PRRX2: variants seen among roughly 807,000 people sequenced by gnomAD.
The protein encoded by PRRX2 is paired mesoderm homeobox protein 2.
A neutral mutation model predicts 18.0 loss-of-function variants in PRRX2; 11 were observed. The observed-to-expected ratio is 0.61, with a 90% CI of 0.39 to 1.01. The LOEUF is 1.01. PRRX2 is among the 50% of genes least tolerant of loss of function. The probability of loss-of-function intolerance (pLI) is 0.01; values close to 1 mark genes in which losing one functional copy is unlikely to be tolerated. For synonymous variants in PRRX2, 177 were observed against 154.8 expected (o/e 1.14, Z -1.06); for missense variants, 387 against 351.0 (o/e 1.10, Z -0.82).
At chr9:129,707,790 CAAAAA>C (rs34188002) in intron 1 of PRRX2, among the ~76,000 whole-genome samples, 2 of 118,834 alleles carry the variant, frequency 1.7e-5, no homozygotes, top group East Asian at 4.8e-4. Flanking sequence ...GACTGTGTCT[CAAAAA>C]AAAAAAAAAA....
rs1832802204 is a variant in PRRX2 at position 129,722,227 on chromosome 9, C to G, written c.637C>G (p.Pro213Ala). ...TASSPYSTVP[P>A]YSPGSSGPAT... ...TCATGTCGCCCCCAGCACAGTGCCACCCTACAGCCCTGGGAGCTCAGGCCC... is the reference window on the plus strand; with the variant it reads ...TCATGTCGCCCCCAGCACAGTGCCAGCCTACAGCCCTGGGAGCTCAGGCCC... The change falls in exon 4 of 4, where the codon CCC becomes GCC. Residue 213 changes from proline to alanine, a missense_variant. Transcript: ENST00000372469. The G allele has an allele frequency of 2.5e-6, 4 of 1,613,606 alleles. No homozygotes were observed. The South Asian group carries it at 4.4e-5, about 18-fold the overall frequency.
At chr9:129,720,120 C>T (rs183786770) in intron 2 of PRRX2, among the ~76,000 whole-genome samples, 1 of 152,218 alleles carries the variant, frequency 6.6e-6, no homozygotes, top group Non-Finnish European at 1.5e-5. Flanking sequence ...AGCACTGAGC[C>T]GAGTGCTCAG....
rs1202924724 is a variant in PRRX2, at chr9:129,715,501, G to GAATTGCTTGAGCCCAGGAGGTCGAGGCT, written c.260-3729_260-3702dup. Among the ~76,000 whole-genome samples the GAATTGCTTGAGCCCAGGAGGTCGAGGCT allele has an allele frequency of 1.6e-4, 24 of 152,106 alleles. No individual in the cohort carries two copies. The highest frequency in any genetic ancestry group is 1.3e-3 in the Admixed American group (20 of 15,260). On this transcript the variant is annotated intron_variant, in intron 1 of 3. Coordinates refer to ENST00000372469, the MANE Select transcript of PRRX2 (RefSeq NM_016307.4). This position sits in a 1 kb window ranked among gnomAD's most constrained non-coding sequence, Gnocchi z 4.0. ...AGCTACTTGGGAGGCTGAGGTGGGGGAATTGCTTGAGCCCAGGAGGTCGAG... is the reference window on the plus strand; with the variant it reads ...AGCTACTTGGGAGGCTGAGGTGGGGGAATTGCTTGAGCCCAGGAGGTCGAGGCTAATTGCTTGAGCCCAGGAGGTCGAG...
At chr9:129,674,777 A>G (rs1316761689) in intron 1 of PRRX2, among the ~76,000 whole-genome samples, 1 of 152,100 alleles carries the variant, frequency 6.6e-6, no homozygotes, top group African/African-American at 2.4e-5. Context: ...AGCTTGAGAC[A>G]CACCCTGTGG....
intron 1 of PRRX2, among the ~76,000 whole-genome samples, chr9:129,691,302 A>C (rs1420281308): frequency 1.3e-5 from 2 of 151,840 alleles, no homozygotes; most frequent in Non-Finnish European, 2.9e-5. Flanking sequence ...GCACCATTGC[A>C]CCCAGCCTGC....
intron 2 of PRRX2, among the ~76,000 whole-genome samples, chr9:129,720,155 C>T (rs1832770172): frequency 6.6e-6 from 1 of 152,004 alleles, no homozygotes; most frequent in Admixed American, 6.5e-5. Flanking sequence ...CGCGAGTCCT[C>T]AGCAAGCGCC....
intron 1 of PRRX2, chr9:129,713,013 C>T (rs534244527): frequency 6.6e-6 from 1 of 152,448 alleles, no homozygotes; most frequent in South Asian, 2.1e-4. Context: ...GATTCAGGAA[C>T]TTAGGGCAAC....
intron 1 of PRRX2, among the ~76,000 whole-genome samples, chr9:129,706,343 G>C (rs1311052899): frequency 6.6e-6 from 1 of 151,960 alleles, no homozygotes; most frequent in Non-Finnish European, 1.5e-5. Flanking sequence ...CACTTTGGGA[G>C]ACCGAGGGGG....
intron 3 of PRRX2, 149 bp from the exon 4 acceptor site, chr9:129,722,068 C>G (rs1832799539): frequency 3.4e-6 from 4 of 1,178,620 alleles, no homozygotes; most frequent in Non-Finnish European, 4.7e-6. Context: ...TGCCCAAACC[C>G]TACAGCTCCA....
At chr9:129,688,235 G>A (rs924815568) in intron 1 of PRRX2, among the ~76,000 whole-genome samples, 2 of 151,414 alleles carry the variant, frequency 1.3e-5, no homozygotes, top group Non-Finnish European at 2.9e-5. Context: ...GCTAATTTTT[G>A]TCTTTTTTGT....
In PRRX2 at chr9:129,665,798, C is replaced by T. The variant is rs1832010932; in HGVS notation, c.-70C>T. 3.0e-5 allele frequency: 30 copies of T among 996,630 alleles called. No individual in the cohort carries two copies. The highest frequency in any genetic ancestry group is 4.7e-5 in the South Asian group (1 of 21,310). The allele number at this position is 996,630 out of a possible 1,614,324, so 61.7% of individuals were successfully genotyped here. A position where few individuals can be genotyped will look rare whatever the true frequency, so the allele number is the denominator to read the frequency against. On this transcript the variant is annotated 5_prime_UTR_variant, in exon 1 of 4. Coordinates refer to ENST00000372469, the MANE Select transcript of PRRX2 (RefSeq NM_016307.4). This position sits in a 1 kb window ranked among gnomAD's most constrained non-coding sequence, Gnocchi z 5.3. ...GGGCGGCCGGGGCTCTCGCTCCGAC[C>T]CGCGCCCGCGACCCTTCCTGGGACC...
chr9:129,720,345 G>A (rs1832773552), intron 2 of PRRX2, among the ~76,000 whole-genome samples: 1 of 152,152 alleles, frequency 6.6e-6, no homozygotes, highest in African/African-American at 2.4e-5. Context: ...CAGTGGCCGA[G>A]TGCCTCTCCA....
intron 1 of PRRX2, among the ~76,000 whole-genome samples, chr9:129,682,938 T>A (rs1031445638): frequency 6.7e-6 from 1 of 148,900 alleles, no homozygotes; most frequent in Admixed American, 6.7e-5. Context: ...ACCCCCCCCA[T>A]CTCTACTAAA....
At position 129,697,981 on chromosome 9, in the gene PRRX2, GA is replaced by G. The variant is rs144046660; in HGVS notation, c.260-21249del. Among the ~76,000 whole-genome samples, 1,481 of 152,104 alleles carry G rather than the reference GA, an allele frequency of 9.7e-3. 17 individuals are homozygous for G. The highest frequency in any genetic ancestry group is 0.051 in the Middle Eastern group (15 of 294). On this transcript the variant is annotated intron_variant, in intron 1 of 3. Transcript: ENST00000372469. The stretch of plus-strand genomic sequence containing the variant: ...GAGGTTGGAGGGTTTTAAGCGCCGG[GA>G]TTCGGAAGGGGGCTTTTCACCCACT...
intron 1 of PRRX2, among the ~76,000 whole-genome samples, chr9:129,693,153 C>T (rs765784760): frequency 8.5e-5 from 13 of 152,092 alleles, no homozygotes; most frequent in African/African-American, 1.2e-4. Context: ...ATACAAGATA[C>T]GGTGTATCTT....
chr9:129,681,730 A>C (rs1832234268), intron 1 of PRRX2, among the ~76,000 whole-genome samples: 1 of 151,882 alleles, frequency 6.6e-6, no homozygotes, highest in Non-Finnish European at 1.5e-5. Context: ...CCCAAAGTGA[A>C]TAGTGGATCT....
Position 129,665,665 on chromosome 9 carries a change from G to C in PRRX2, c.-203G>C, listed in dbSNP as rs368393993. ...GCGCAGCGCGTGCACCAGCGGCTCCGGAGCGAGCGGCCGTGGCTGAGAAGG... is the reference window on the plus strand; with the variant it reads ...GCGCAGCGCGTGCACCAGCGGCTCCCGAGCGAGCGGCCGTGGCTGAGAAGG... On this transcript the variant is annotated 5_prime_UTR_variant, in exon 1 of 4. Coordinates refer to ENST00000372469, the MANE Select transcript of PRRX2 (RefSeq NM_016307.4). The surrounding 1 kb of genome is among the most constrained non-coding windows in gnomAD (Gnocchi z 5.3). The C allele has an allele frequency of 2.9e-5, 6 of 207,228 alleles. No individual in the cohort carries two copies. The East Asian group carries it at 7.1e-4, about 25-fold the overall frequency. 12.8% of individuals were successfully genotyped at this position (207,228 alleles called of 1,614,324 possible). A position where few individuals can be genotyped will look rare whatever the true frequency, so the allele number is the denominator to read the frequency against.
intron 1 of PRRX2, among the ~76,000 whole-genome samples, chr9:129,676,142 C>T (rs966422896): frequency 8.5e-5 from 13 of 152,184 alleles, no homozygotes; most frequent in Non-Finnish European, 1.8e-4. Context: ...TTCTGTCCTT[C>T]CTCCTGCTCA....
At chr9:129,683,206 CCCTT>C (rs1832255762) in intron 1 of PRRX2, among the ~76,000 whole-genome samples, 1 of 152,188 alleles carries the variant, frequency 6.6e-6, no homozygotes, top group Non-Finnish European at 1.5e-5. Flanking sequence ...TCCTGGGACT[CCCTT>C]CATAACAGTA....
Sources: gnomAD v4.1 joint callset for allele counts (sites outside exome capture counted in the v4.1 genomes callset) on GRCh38, gnomAD v4.1.1 for gene constraint, Gnocchi (gnomAD v3.1) non-coding constraint, MANE v1.5 for transcripts, NCBI Gene and HGNC (gene_info 2026-07-23, HGNC 2026-07-21) for gene names.